The following CBL variants were observed in gnomAD, a reference collection of about 807,000 sequenced individuals.
The protein encoded by CBL is Cbl proto-oncogene.
CBL carries 45 observed loss-of-function variants against 96.9 expected under a neutral mutation model. The ratio of observed to expected loss-of-function variants is 0.46; its 90% confidence interval spans 0.37 to 0.60. The LOEUF is 0.60. Among genes scored for constraint, CBL ranks in the 20% least tolerant of loss-of-function variants. The probability of loss-of-function intolerance (pLI) is 0.00; values close to 1 mark genes in which losing one functional copy is unlikely to be tolerated. For synonymous variants in CBL, 420 were observed against 426.8 expected (o/e 0.98, Z 0.20); for missense variants, 1,024 against 1,143.5 (o/e 0.90, Z 1.51).
chr11:119,254,535 GGTAA>G (rs1200158798), intron 2 of CBL, among the ~76,000 whole-genome samples: 1 of 152,000 alleles, frequency 6.6e-6, no homozygotes, highest in East Asian at 1.9e-4. Context: ...GTAACACAAT[GGTAA>G]GTATGTATTT....
rs1186912149 is a variant in CBL, at chr11:119,285,160, A to T, written c.1564-29A>T. ...CTTTGCTGTGTACTAGTGGGTTTTT[A>T]CTGATTTGCTTTCACCCTGCTTCCA... On this transcript the variant is annotated intron_variant, in intron 10 of 15. Transcript: ENST00000264033. 12 of 1,614,002 alleles carry T rather than the reference A, an allele frequency of 7.4e-6. 1 individual carries two copies. The East Asian group carries it at 2.7e-4, about 36-fold the overall frequency.
intron 4 of CBL, among the ~76,000 whole-genome samples, chr11:119,274,600 CT>C (rs1949874217): frequency 6.6e-6 from 1 of 152,152 alleles, no homozygotes; most frequent in Non-Finnish European, 1.5e-5. Flanking sequence ...TTTACAAATT[CT>C]AGAATTTTCA....
rs542372119 is a variant in CBL, at chr11:119,291,282, C to CTGGGGAGGCTAAGGT, written c.2036+3338_2036+3352dup. Among the ~76,000 whole-genome samples, 8 of 152,252 alleles carry CTGGGGAGGCTAAGGT rather than the reference C, an allele frequency of 5.3e-5. No individual in the cohort carries two copies. In the East Asian group the frequency reaches 1.5e-3, roughly 29 times the overall value. ...TGGCACACGCCTATAGTCCCAGCTA[C>CTGGGGAGGCTAAGGT]TGGGGAGGCTAAGGTTTGCTGGAGC... is the stretch of plus-strand genomic sequence containing the variant. On this transcript the variant is annotated intron_variant, in intron 12 of 15. Transcript: ENST00000264033.
chr11:119,259,750 C>G lies in CBL; in HGVS notation c.444-11985C>G, dbSNP rs1056935545. Among the ~76,000 whole-genome samples, 5 of 152,102 alleles carry G rather than the reference C, an allele frequency of 3.3e-5. No homozygotes were observed. In the East Asian group the frequency reaches 9.6e-4, roughly 29 times the overall value. On this transcript the variant is annotated intron_variant, in intron 2 of 15. Transcript: ENST00000264033. ...TCAAAGAGATGGCATTAGTTTCTGC[C>G]TTAGGTGAGAACAACTAAAAAATTG...
At position 119,307,988 on chromosome 11, in the gene CBL, A is replaced by G. The variant is rs1388207463; in HGVS notation, c.*8207A>G. The G allele has an allele frequency of 5.2e-6, 1 of 193,024 alleles. No individual in the cohort carries two copies. The highest frequency in any genetic ancestry group is 8.3e-5 in the East Asian group (1 of 12,064). The allele number at this position is 193,024 out of a possible 1,614,324, so 12.0% of individuals were successfully genotyped here. ...TAAGATTCATTTTCATTTTAAGTCC[A>G]TTTTATTTTGCCAGTGTATTAATGT... is the stretch of plus-strand genomic sequence containing the variant. On this transcript the variant is annotated 3_prime_UTR_variant, in exon 16 of 16. Transcript: ENST00000264033.
chr11:119,277,239 G>GCACACACACACACACACACACACACACA (rs112214824), intron 6 of CBL, among the ~76,000 whole-genome samples: 2 of 138,352 alleles, frequency 1.4e-5, no homozygotes, highest in African/African-American at 3.0e-5. Flanking sequence ...AGAATCTGTC[G>GCACACACACACACACACACACACACACA]CGCACACACA....
chr11:119,294,341 A>G, intron 12 of CBL, among the ~76,000 whole-genome samples: 1 of 151,566 alleles, frequency 6.6e-6, no homozygotes, highest in Non-Finnish European at 1.5e-5. Flanking sequence ...GGGCAGGAGA[A>G]ATGCTTGAAT....
At position 119,287,898 on chromosome 11, in the gene CBL, A is replaced by G. The variant is rs1371247214; in HGVS notation, c.1988A>G (p.Lys663Arg). 1 of 1,613,924 alleles carries G rather than the reference A, an allele frequency of 6.2e-7. No homozygotes were observed. Among genetic ancestry groups the G allele is most frequent in the Admixed American group, 1.7e-5 (1 of 60,026 alleles). Residue 663 changes from lysine to arginine, a missense_variant, in exon 12 of 16, where the codon AAA becomes AGA. By Grantham distance (26) the Lys-to-Arg change is conservative. Around this residue, in one of 4 missense-constraint regions of CBL, gnomAD observed 695 missense variants for 661.6 expected, o/e 1.05. Transcript: ENST00000264033. ...GTAGGTCCAGAGTGTGACCACCCCA[A>G]AATCAAACCTTCCTCATCTGCCAAT... ...PLVGPECDHP[K>R]IKPSSSANAI...
Position 119,206,602 on chromosome 11 carries a change from T to A in CBL, c.185T>A (p.Leu62His), listed in dbSNP as rs1182439351. 8 of 1,547,568 alleles carry A rather than the reference T, an allele frequency of 5.2e-6. No individual in the cohort carries two copies. Among genetic ancestry groups the A allele is most frequent in the African/African-American group, 1.4e-5 (1 of 72,562 alleles). ...AAGATGGTGGAGAAGTGCTGGAAGC[T>A]CATGGACAAGGTGAAAGGCCGGCTG... is the stretch of plus-strand genomic sequence containing the variant. ...DKKMVEKCWK[L>H]MDKVVRLCQN... The change falls in exon 1 of 16, where the codon CTC becomes CAC. Residue 62 changes from leucine to histidine, a missense_variant. Physicochemically the swap from Leu to His is moderately conservative, Grantham distance 99. Around this residue, in one of 4 missense-constraint regions of CBL, gnomAD observed 114 missense variants for 117.4 expected, o/e 0.97. Coordinates refer to ENST00000264033, the MANE Select transcript of CBL (RefSeq NM_005188.4).
rs945049098 is a variant in CBL, at chr11:119,228,814, CT to C, written c.196-3622del. 1.7e-3 allele frequency among the ~76,000 whole-genome samples: 108 copies of C among 62,950 alleles called. 2 individuals are homozygous for C. Among genetic ancestry groups the C allele is most frequent in the Admixed American group, 1.9e-3 (15 of 8,084 alleles). 41.3% of individuals were successfully genotyped at this position (62,950 alleles called of 152,430 possible). A position where few individuals can be genotyped will look rare whatever the true frequency, so the allele number is the denominator to read the frequency against. On this transcript the variant is annotated intron_variant, in intron 1 of 15. Transcript: ENST00000264033. ...GCTAATTCCTTCTCTCTCTCTCTCTCTTTTTTTTTTTTGGAGACGTGGTTTC... is the reference window on the plus strand; with the variant it reads ...GCTAATTCCTTCTCTCTCTCTCTCTCTTTTTTTTTTTGGAGACGTGGTTTC...
rs145348523 is a variant in CBL at position 119,303,437 on chromosome 11, C to T, written c.*3656C>T. ...TGTCAGGTATGTGTCCTTCCCTTGG[C>T]GCCACATAGTAGTTTACTAATGTTT... On this transcript the variant is annotated 3_prime_UTR_variant, in exon 16 of 16. Transcript: ENST00000264033. The T allele has an allele frequency of 2.2e-3, 508 of 233,522 alleles. 1 individual carries two copies. The highest frequency in any genetic ancestry group is 3.6e-3 in the Non-Finnish European group (428 of 117,968). 14.5% of individuals were successfully genotyped at this position (233,522 alleles called of 1,614,324 possible).
intron 2 of CBL, among the ~76,000 whole-genome samples, chr11:119,267,089 C>G (rs1949808399): frequency 6.6e-6 from 1 of 152,180 alleles, no homozygotes; most frequent in Non-Finnish European, 1.5e-5. Context: ...AGACACTGAA[C>G]CATAAGCTTC....
chr11:119,246,264 C>T (rs369782553), intron 2 of CBL, among the ~76,000 whole-genome samples: 20 of 152,046 alleles, frequency 1.3e-4, no homozygotes, highest in South Asian at 4.2e-4. Context: ...CGAACCACCG[C>T]GCCCGGCCTT....
intron 1 of CBL, among the ~76,000 whole-genome samples, chr11:119,211,463 C>G (rs565359809): frequency 6.6e-5 from 10 of 152,220 alleles, no homozygotes; most frequent in African/African-American, 1.9e-4. Flanking sequence ...CTTTGCTGGG[C>G]ACACACTAAG....
chr11:119,239,866 G>T (rs781289967), intron 2 of CBL, among the ~76,000 whole-genome samples: 1 of 151,538 alleles, frequency 6.6e-6, no homozygotes, highest in Non-Finnish European at 1.5e-5. Context: ...TTTTTTGATA[G>T]GTGAGTTGTG....
intron 1 of CBL, among the ~76,000 whole-genome samples, chr11:119,211,013 A>G (rs1949312990): frequency 6.6e-6 from 1 of 152,194 alleles, no homozygotes; most frequent in Admixed American, 6.6e-5. Flanking sequence ...AACAACAACA[A>G]TAATGAAAGA....
At chr11:119,273,495 C>T (rs978640920) in intron 3 of CBL, among the ~76,000 whole-genome samples, 3 of 152,200 alleles carry the variant, frequency 2.0e-5, no homozygotes, top group Non-Finnish European at 2.9e-5. Flanking sequence ...CACGATCTCA[C>T]TTGCAACCTC....
chr11:119,210,703 C>T (rs1271940555), intron 1 of CBL, among the ~76,000 whole-genome samples: 1 of 150,800 alleles, frequency 6.6e-6, no homozygotes, highest in Non-Finnish European at 1.5e-5. Flanking sequence ...CCCACCTCAG[C>T]CTCCCAAAGT....
intron 2 of CBL, among the ~76,000 whole-genome samples, chr11:119,267,561 C>G (rs1949812684): frequency 6.6e-6 from 1 of 152,214 alleles, no homozygotes; most frequent in Non-Finnish European, 1.5e-5. Context: ...GATAAGGTCT[C>G]TGAGACTACC....
Sources: gnomAD v4.1 joint callset for allele counts (sites outside exome capture counted in the v4.1 genomes callset) on GRCh38, gnomAD v4.1.1 for gene constraint, gnomAD v4.1.1 regional missense constraint, MANE v1.5 for transcripts, NCBI Gene and HGNC (gene_info 2026-07-23, HGNC 2026-07-21) for gene names.